Variants in SLC25A28 observed in about 807,000 individuals in gnomAD.
SLC25A28 encodes mitoferrin-2.
Under a neutral mutation model 31.9 loss-of-function variants are expected in SLC25A28, and 10 were observed. That is an observed-to-expected ratio of 0.31 (90% CI 0.19 to 0.53). SLC25A28 has a LOEUF of 0.53. Ranked by LOEUF, SLC25A28 falls within the 20% of genes least tolerant of loss-of-function variation. The pLI is 0.95. For synonymous variants in SLC25A28, 208 were observed against 203.6 expected (o/e 1.02, Z -0.19); for missense variants, 256 against 490.3 (o/e 0.52, Z 4.51).
chr10:99,645,080 C>T, the SLC25A28 span, among the ~76,000 whole-genome samples: 1 of 152,082 alleles, frequency 6.6e-6, no homozygotes, highest in Non-Finnish European at 1.5e-5. Flanking sequence ...CTCTGTATTT[C>T]CTGAATTTGA....
chr10:99,640,115 G>T, the SLC25A28 span, among the ~76,000 whole-genome samples: 1 of 152,202 alleles, frequency 6.6e-6, no homozygotes, highest in African/African-American at 2.4e-5. Context: ...AGCCAATGTA[G>T]ACATTATTAT....
upstream of SLC25A28, among the ~76,000 whole-genome samples, chr10:99,623,707 G>A (rs563676964): frequency 7.5e-4 from 114 of 152,270 alleles, 1 homozygote; most frequent in Middle Eastern, 3.4e-3. Context: ...AGTGAAATAC[G>A]AGGGAAGCAC....
Position 99,620,248 on chromosome 10 carries a change from C to A in SLC25A28, c.88G>T (p.Asp30Tyr). 1 of 1,290,486 alleles carries A rather than the reference C, an allele frequency of 7.7e-7. No individual in the cohort carries two copies. The highest frequency in any genetic ancestry group is 9.8e-7 in the Non-Finnish European group (1 of 1,020,374). The allele number at this position is 1,290,486 out of a possible 1,614,324, so 79.9% of individuals were successfully genotyped here. A position where few individuals can be genotyped will look rare whatever the true frequency, so the allele number is the denominator to read the frequency against. Reference protein sequence around the residue: ...GRSPGESALLDGWLQRGVGRG... With the variant: ...GRSPGESALLYGWLQRGVGRG... ...CCCACGCCCCGCTGCAGCCACCCGT[C>A]CAGCAGCGCCGACTCCCCGGGGCTC... Residue 30 changes from aspartate to tyrosine, a missense_variant, in exon 1 of 4, where the codon GAC becomes TAC. Physicochemically the swap from Asp to Tyr is radical, Grantham distance 160. This residue lies in a region of SLC25A28 where 47 missense variants were observed against 41.4 expected (regional missense o/e 1.14). Coordinates refer to ENST00000370495, the MANE Select transcript of SLC25A28 (RefSeq NM_031212.4).
the SLC25A28 span, among the ~76,000 whole-genome samples, chr10:99,631,884 T>A: frequency 2.1e-5 from 2 of 96,352 alleles, no homozygotes; most frequent in Non-Finnish European, 4.4e-5. Flanking sequence ...TGTTATTTTT[T>A]TTTTTTATTT....
At chr10:99,645,370 TCA>T in the SLC25A28 span, among the ~76,000 whole-genome samples, 1 of 152,224 alleles carries the variant, frequency 6.6e-6, no homozygotes, top group Non-Finnish European at 1.5e-5. Flanking sequence ...TGTGCATTTG[TCA>T]CAGTTTTCAT....
At chr10:99,623,059 G>A (rs1389553691), upstream of SLC25A28, among the ~76,000 whole-genome samples, 1 of 152,204 alleles carries the variant, frequency 6.6e-6, no homozygotes, top group Non-Finnish European at 1.5e-5. Flanking sequence ...GGCTACATTT[G>A]TATGGCCAAG....
chr10:99,617,275 GCCATGGAAATA>G (rs1476824299), intron 1 of SLC25A28: 113 of 985,302 alleles, frequency 1.1e-4, no homozygotes, highest in Non-Finnish European at 1.3e-4. Flanking sequence ...CTCCATTATA[GCCATGGAAATA>G]GCTGGTTGAA....
chr10:99,615,618 A>G (rs2034632941), intron 1 of SLC25A28: 1 of 985,364 alleles, frequency 1.0e-6, no homozygotes. Context: ...ATTCTTTCCT[A>G]CTTCCCCCCA....
At chr10:99,643,824 C>A in the SLC25A28 span, among the ~76,000 whole-genome samples, 1 of 152,144 alleles carries the variant, frequency 6.6e-6, no homozygotes, top group South Asian at 2.1e-4. Flanking sequence ...TCATTATGTA[C>A]CCAGTAGTCA....
intron 1 of SLC25A28, chr10:99,617,239 T>G: frequency 1.0e-6 from 1 of 985,380 alleles, no homozygotes. Flanking sequence ...AAAAGGAAAC[T>G]GGGATTTATC....
upstream of SLC25A28, chr10:99,620,849 G>T (rs2034775983): frequency 1.0e-6 from 1 of 985,374 alleles, no homozygotes; most frequent in African/African-American, 1.7e-5. Flanking sequence ...CCCCTCACTA[G>T]CGCCTGCAGA....
chr10:99,634,507 G>A, the SLC25A28 span, among the ~76,000 whole-genome samples: 9 of 152,134 alleles, frequency 5.9e-5, no homozygotes, highest in Non-Finnish European at 1.0e-4. Context: ...GTTCTGGAAA[G>A]TCTCAGCAAT....
chr10:99,632,734 T>TGCAA, the SLC25A28 span, among the ~76,000 whole-genome samples: 1 of 152,202 alleles, frequency 6.6e-6, no homozygotes, highest in East Asian at 1.9e-4. Context: ...AACTTTTGCT[T>TGCAA]GTTTAGACAA....
chr10:99,645,027 G>A, the SLC25A28 span, among the ~76,000 whole-genome samples: 8 of 152,102 alleles, frequency 5.3e-5, no homozygotes, highest in Admixed American at 6.5e-5. Context: ...TGACAATTAT[G>A]TGTCTTGGAG....
upstream of SLC25A28, chr10:99,620,836 G>A (rs2034775433): frequency 1.0e-6 from 1 of 985,340 alleles, no homozygotes; most frequent in African/African-American, 1.7e-5. Context: ...GGCCGACTTC[G>A]GGCCCCTCAC....
At chr10:99,617,977 G>A (rs770873472) in intron 1 of SLC25A28, among the ~76,000 whole-genome samples, 14 of 152,166 alleles carry the variant, frequency 9.2e-5, no homozygotes, top group African/African-American at 1.4e-4. Flanking sequence ...TTTCCTCAAC[G>A]GGTTTATAGG....
chr10:99,620,533 G>C (rs1012551990), upstream of SLC25A28: 23 of 1,032,316 alleles, frequency 2.2e-5, 1 homozygote, highest in East Asian at 8.9e-5. Flanking sequence ...CCTTACGTAC[G>C]AAAAATCAGC....
the SLC25A28 span, among the ~76,000 whole-genome samples, chr10:99,654,564 G>A: frequency 6.6e-6 from 1 of 151,994 alleles, no homozygotes. Context: ...CAGGAGGCAG[G>A]AGGATTGCTT....
At chr10:99,658,469 C>G in the SLC25A28 span, among the ~76,000 whole-genome samples, 1 of 152,002 alleles carries the variant, frequency 6.6e-6, no homozygotes, top group Non-Finnish European at 1.5e-5. Context: ...CAGACATATA[C>G]GTATAATAGT....
Sources: allele counts gnomAD v4.1 joint callset (sites outside exome capture counted in the v4.1 genomes callset), GRCh38; gene constraint gnomAD v4.1.1; regional missense constraint gnomAD v4.1.1; transcripts MANE v1.5; gene names NCBI Gene and HGNC (gene_info 2026-07-23, HGNC 2026-07-21).